The following PDE1A variants were observed in gnomAD, a reference collection of about 807,000 sequenced individuals.
The protein encoded by PDE1A is phosphodiesterase 1A.
A neutral mutation model predicts 61.7 loss-of-function variants in PDE1A; 35 were observed. The ratio of observed to expected loss-of-function variants is 0.57; its 90% CI spans 0.43 to 0.75. The LOEUF is 0.75. Among genes scored for constraint, PDE1A ranks in the 30% least tolerant of loss-of-function variants. PDE1A has a pLI of 0.00. For missense variants in PDE1A, 597 were observed against 630.6 expected, an observed-to-expected ratio of 0.95 and a Z score of 0.57; for synonymous variants, 232 against 213.2, an observed-to-expected ratio of 1.09 and a Z score of -0.77.
the PDE1A span, among the ~76,000 whole-genome samples, chr2:182,708,982 C>CA: frequency 9.3e-5 from 14 of 151,252 alleles, no homozygotes; most frequent in South Asian, 2.1e-4. Flanking sequence ...TCATACTGGT[C>CA]AAAAAAAACA....
chr2:182,662,599 T>C, the PDE1A span, among the ~76,000 whole-genome samples: 1 of 152,188 alleles, frequency 6.6e-6, no homozygotes, highest in Non-Finnish European at 1.5e-5. Context: ...AAGGACTCCC[T>C]ATTCGATAAT....
the PDE1A span, among the ~76,000 whole-genome samples, chr2:182,578,890 C>A: frequency 6.6e-6 from 1 of 152,208 alleles, no homozygotes; most frequent in Admixed American, 6.5e-5. Context: ...GTTGCAATAA[C>A]AAAGTACTAT....
At chr2:182,220,315 T>C (rs1679922007) in intron 7 of PDE1A, among the ~76,000 whole-genome samples, 1 of 152,062 alleles carries the variant, frequency 6.6e-6, no homozygotes, top group Admixed American at 6.6e-5. Context: ...GCTGAGATCA[T>C]GGGGAAAGCT....
At chr2:182,427,832 G>C (rs576422758), upstream of PDE1A, among the ~76,000 whole-genome samples, 1 of 152,080 alleles carries the variant, frequency 6.6e-6, no homozygotes, top group South Asian at 2.1e-4. Flanking sequence ...CCAGGTCAGA[G>C]ATTTGTAATA....
intron 2 of PDE1A, among the ~76,000 whole-genome samples, chr2:182,503,847 A>G (rs370244570): frequency 1.3e-5 from 2 of 152,164 alleles, no homozygotes; most frequent in Admixed American, 1.3e-4. Flanking sequence ...TGGACTGTTT[A>G]TTGTTATATC....
the PDE1A span, among the ~76,000 whole-genome samples, chr2:182,682,601 T>A: frequency 6.6e-6 from 1 of 152,188 alleles, no homozygotes; most frequent in African/African-American, 2.4e-5. Context: ...GTTTCTATGT[T>A]TAATCAAAGA....
chr2:182,431,168 T>C (rs1703932797), upstream of PDE1A, among the ~76,000 whole-genome samples: 1 of 151,428 alleles, frequency 6.6e-6, no homozygotes, highest in Non-Finnish European at 1.5e-5. Context: ...TTACTCTTCC[T>C]TCTCTACCAT....
At chr2:182,628,512 G>T in the PDE1A span, among the ~76,000 whole-genome samples, 93 of 152,076 alleles carry the variant, frequency 6.1e-4, no homozygotes, top group African/African-American at 2.2e-3. Flanking sequence ...AAAGACTGAA[G>T]AAAAACAACC....
chr2:182,541,424 C>G, the PDE1A span, among the ~76,000 whole-genome samples: 4 of 152,178 alleles, frequency 2.6e-5, no homozygotes, highest in South Asian at 8.3e-4. Flanking sequence ...ACTCAGTAAC[C>G]TGGCAGAAAC....
chr2:182,187,734 G>GTTTTTTTTTTT (rs1559156103), intron 11 of PDE1A, among the ~76,000 whole-genome samples: 2 of 104,564 alleles, frequency 1.9e-5, no homozygotes, highest in African/African-American at 3.7e-5. Context: ...TTCTTTTTTT[G>GTTTTTTTTTTT]TTCTTTTTTT....
At chr2:182,207,621 T>C (rs1296027239) in intron 7 of PDE1A, among the ~76,000 whole-genome samples, 1 of 152,170 alleles carries the variant, frequency 6.6e-6, no homozygotes, top group Non-Finnish European at 1.5e-5. Context: ...GAAAAACCCA[T>C]TTTCTGGGGA....
the PDE1A span, among the ~76,000 whole-genome samples, chr2:182,701,363 T>C: frequency 4.7e-5 from 7 of 149,742 alleles, no homozygotes; most frequent in South Asian, 1.5e-3. Flanking sequence ...TATTTTCTTT[T>C]ATCCTAAACG....
chr2:182,366,017 GATGTTC>G (rs1474486014), intron 1 of PDE1A, among the ~76,000 whole-genome samples: 1 of 152,038 alleles, frequency 6.6e-6, no homozygotes. Flanking sequence ...AGTACTAAGA[GATGTTC>G]ATCTGGCAAT....
chr2:182,211,406 C>A (rs1046825166), intron 7 of PDE1A, among the ~76,000 whole-genome samples: 2 of 152,156 alleles, frequency 1.3e-5, no homozygotes, highest in Non-Finnish European at 2.9e-5. Context: ...ACTACACTGT[C>A]TTGATTACTG....
At chr2:182,192,095 A>G (rs1312283118) in intron 10 of PDE1A, among the ~76,000 whole-genome samples, 1 of 151,970 alleles carries the variant, frequency 6.6e-6, no homozygotes, top group East Asian at 1.9e-4. Context: ...GACCTCAGGT[A>G]GTCCCTCTGC....
At chr2:182,476,835 G>A (rs988307589) in intron 2 of PDE1A, among the ~76,000 whole-genome samples, 9 of 150,592 alleles carry the variant, frequency 6.0e-5, no homozygotes, top group African/African-American at 2.2e-4. Flanking sequence ...TAATAAAAGT[G>A]ACTAGGAAGC....
chr2:182,307,146 T>C (rs1244682510), intron 1 of PDE1A, among the ~76,000 whole-genome samples: 1 of 152,102 alleles, frequency 6.6e-6, no homozygotes, highest in Non-Finnish European at 1.5e-5. Context: ...GGGGCCTGAA[T>C]AGATATTTCT....
At chr2:182,212,849 T>C (rs1056538122) in intron 7 of PDE1A, among the ~76,000 whole-genome samples, 3 of 152,198 alleles carry the variant, frequency 2.0e-5, no homozygotes, top group Non-Finnish European at 2.9e-5. Flanking sequence ...GAGGGGCGCC[T>C]GCCATTGCCC....
intron 13 of PDE1A, among the ~76,000 whole-genome samples, chr2:182,155,886 C>T (rs954839415): frequency 8.6e-5 from 13 of 151,970 alleles, no homozygotes; most frequent in Non-Finnish European, 2.9e-5. Flanking sequence ...AGAGAAACTC[C>T]GTCTCAATAA....
Sources: allele counts gnomAD v4.1 joint callset (sites outside exome capture counted in the v4.1 genomes callset), GRCh38; gene constraint gnomAD v4.1.1; transcripts MANE v1.5; gene names NCBI Gene and HGNC (gene_info 2026-07-23, HGNC 2026-07-21).